Variants in PSMB2 observed in about 807,000 individuals in gnomAD.
PSMB2 encodes the protein proteasome subunit beta type-2.
A neutral mutation model predicts 25.7 loss-of-function variants in PSMB2; 13 were observed. The ratio of observed to expected loss-of-function variants is 0.51; its 90% CI spans 0.33 to 0.80. The LOEUF (loss-of-function observed/expected upper bound fraction) is 0.80. Ranked by LOEUF, PSMB2 falls within the 30% of genes least tolerant of loss-of-function variation. The pLI is 0.02. For synonymous variants in PSMB2, 87 were observed against 96.2 expected, an observed-to-expected ratio of 0.90 and a Z score of 0.56; for missense variants, 202 against 259.0, an observed-to-expected ratio of 0.78 and a Z score of 1.51.
At chr1:35,608,727 G>A (rs1220694165) in intron 4 of PSMB2, among the ~76,000 whole-genome samples, 1 of 152,168 alleles carries the variant, frequency 6.6e-6, no homozygotes, top group Non-Finnish European at 1.5e-5. Context: ...CAGCCATTAG[G>A]TGACAACCAA....
At chr1:35,639,065 C>A (rs1467926955) in intron 1 of PSMB2, among the ~76,000 whole-genome samples, 1 of 151,980 alleles carries the variant, frequency 6.6e-6, no homozygotes, top group Admixed American at 6.6e-5. Flanking sequence ...ACCAGCCTGG[C>A]CAAACTGGTG....
chr1:35,606,478 A>G (rs982170291), intron 4 of PSMB2, among the ~76,000 whole-genome samples: 4 of 152,224 alleles, frequency 2.6e-5, no homozygotes, highest in Non-Finnish European at 5.9e-5. Context: ...ATACCTAGGA[A>G]TAAATTTAAC....
At chr1:35,606,917 T>C (rs1650185907) in intron 4 of PSMB2, among the ~76,000 whole-genome samples, 1 of 152,198 alleles carries the variant, frequency 6.6e-6, no homozygotes, top group African/African-American at 2.4e-5. Flanking sequence ...ATTTGACTTT[T>C]GATGAAGGTA....
chr1:35,635,657 T>C (rs1651224835), intron 2 of PSMB2, among the ~76,000 whole-genome samples: 1 of 151,878 alleles, frequency 6.6e-6, no homozygotes, highest in Non-Finnish European at 1.5e-5. Context: ...GGTGAAACCC[T>C]GTCTCTACTA....
intron 4 of PSMB2, among the ~76,000 whole-genome samples, chr1:35,608,523 A>T (rs1162716349): frequency 6.6e-6 from 1 of 152,238 alleles, no homozygotes; most frequent in Non-Finnish European, 1.5e-5. Context: ...GTTTGAGATG[A>T]TCAATATACT....
chr1:35,636,187 G>T, intron 2 of PSMB2, 123 bp downstream of exon 2: 1 of 1,249,590 alleles, frequency 8.0e-7, no homozygotes. Flanking sequence ...CTTAATCTTT[G>T]ACTTCTAACA....
chr1:35,599,846 G>C lies in PSMB2; in HGVS notation c.*3421C>G. The C allele has an allele frequency of 1.0e-6, 1 of 985,020 alleles. No individual in the cohort carries two copies. The highest frequency in any genetic ancestry group is 1.2e-6 in the Non-Finnish European group (1 of 829,604). The allele number at this position is 985,020 out of a possible 1,614,324, so 61.0% of individuals were successfully genotyped here. A position where few individuals can be genotyped will look rare whatever the true frequency, so the allele number is the denominator to read the frequency against. On this transcript the variant is annotated 3_prime_UTR_variant, in exon 6 of 6. Transcript: ENST00000373237. ...AGTAATGGGGATGGAGATTTATAAA[G>C]ATTAGGCTGGGTGCAGTGGCTCACA...
At position 35,601,685 on chromosome 1, in the gene PSMB2, T is replaced by C. The variant is rs1424980143; in HGVS notation, c.*1582A>G. On this transcript the variant is annotated 3_prime_UTR_variant, in exon 6 of 6. Transcript: ENST00000373237. ...AAAACAAAAACCTATCTGTATATGA[T>C]ATTAAGAGGAGCACAGAATTGGATA... 1 of 985,292 alleles carries C rather than the reference T, an allele frequency of 1.0e-6. No homozygotes were observed. The highest frequency in any genetic ancestry group is 1.2e-6 in the Non-Finnish European group (1 of 829,914). The allele number at this position is 985,292 out of a possible 1,614,324, so 61.0% of individuals were successfully genotyped here.
In PSMB2 at chr1:35,603,151, T is replaced by C. The variant is rs1386429641; in HGVS notation, c.*116A>G. On this transcript the variant is annotated 3_prime_UTR_variant, in exon 6 of 6. Coordinates refer to ENST00000373237, the MANE Select transcript of PSMB2 (RefSeq NM_002794.5). ...GGACCAGAGGGCTCAATTATATCCA[T>C]AGTCACCTTTATTCTGAATTAACCA... 2.0e-6 allele frequency: 3 copies of C among 1,464,808 alleles called. No homozygotes were observed. Among genetic ancestry groups the C allele is most frequent in the Non-Finnish European group, 2.7e-6 (3 of 1,110,102 alleles). 90.7% of individuals were successfully genotyped at this position (1,464,808 alleles called of 1,614,324 possible). A position where few individuals can be genotyped will look rare whatever the true frequency, so the allele number is the denominator to read the frequency against.
At chr1:35,629,774 C>T (rs1186777182) in intron 3 of PSMB2, among the ~76,000 whole-genome samples, 1 of 151,192 alleles carries the variant, frequency 6.6e-6, no homozygotes, top group African/African-American at 2.4e-5. Flanking sequence ...CACACCACTA[C>T]ACTCCAGCCT....
intron 3 of PSMB2, among the ~76,000 whole-genome samples, chr1:35,623,100 T>C (rs2148571181): frequency 6.6e-6 from 1 of 152,308 alleles, no homozygotes; most frequent in East Asian, 1.9e-4. Context: ...TGTCTCTGGG[T>C]CTTTGGATAA....
At position 35,633,845 on chromosome 1, in the gene PSMB2, TGCTAAA is replaced by T. The variant is rs1356679889; in HGVS notation, c.214+2459_214+2464del. Among the ~76,000 whole-genome samples, 5 of 152,280 alleles carry T rather than the reference TGCTAAA, an allele frequency of 3.3e-5. No individual in the cohort carries two copies. In the South Asian group the frequency reaches 1.0e-3, roughly 31 times the overall value. On this transcript the variant is annotated intron_variant, in intron 2 of 5. Coordinates refer to ENST00000373237, the MANE Select transcript of PSMB2 (RefSeq NM_002794.5). ...AAGTATTTATGGAATTGAATACAAA[TGCTAAA>T]TCCACTGCCCAAACTATGTGAATAG...
At chr1:35,623,547 C>T (rs1219009727) in intron 3 of PSMB2, among the ~76,000 whole-genome samples, 1 of 152,232 alleles carries the variant, frequency 6.6e-6, no homozygotes, top group Admixed American at 6.5e-5. Context: ...GCAGCAGTGT[C>T]AAAGGCTGCC....
intron 2 of PSMB2, 109 bp downstream of exon 2, chr1:35,636,201 A>G (rs1651241466): frequency 7.2e-7 from 1 of 1,380,588 alleles, no homozygotes; most frequent in Admixed American, 1.9e-5. Context: ...TCTAACATCT[A>G]GAACTGTGAG....
intron 2 of PSMB2, among the ~76,000 whole-genome samples, chr1:35,632,902 A>G (rs191703480): frequency 3.9e-5 from 6 of 152,006 alleles, no homozygotes; most frequent in African/African-American, 1.4e-4. Flanking sequence ...CTCAACAACA[A>G]CAACAAAAAT....
chr1:35,629,810 C>CA (rs111544640), intron 3 of PSMB2, among the ~76,000 whole-genome samples: 4,617 of 125,280 alleles, frequency 0.037, 200 homozygotes, highest in African/African-American at 0.11. Flanking sequence ...GACCCCGTCT[C>CA]AAAAAAAAAA....
At chr1:35,613,377 G>GAA (rs749433885) in intron 3 of PSMB2, among the ~76,000 whole-genome samples, 2 of 139,992 alleles carry the variant, frequency 1.4e-5, no homozygotes, top group Non-Finnish European at 1.6e-5. Context: ...GTCTCTATGG[G>GAA]AAAAAAAAAA....
At chr1:35,625,686 CG>C (rs1650836301) in intron 3 of PSMB2, among the ~76,000 whole-genome samples, 1 of 150,710 alleles carries the variant, frequency 6.6e-6, no homozygotes, top group Non-Finnish European at 1.5e-5. Flanking sequence ...GGCATGAACC[CG>C]GGAGGTGGAG....
intron 3 of PSMB2, among the ~76,000 whole-genome samples, chr1:35,612,517 T>C (rs996612762): frequency 2.0e-5 from 3 of 152,150 alleles, no homozygotes; most frequent in Non-Finnish European, 2.9e-5. Context: ...AAAAATGCTA[T>C]TAGTTATATA....
Sources: gnomAD v4.1 joint callset for allele counts (sites outside exome capture counted in the v4.1 genomes callset) on GRCh38, gnomAD v4.1.1 for gene constraint, MANE v1.5 for transcripts, NCBI Gene and HGNC (gene_info 2026-07-23, HGNC 2026-07-21) for gene names.